RARB: variants seen among roughly 807,000 people sequenced by gnomAD.
RARB encodes HBV-activated protein.
A neutral mutation model predicts 51.9 loss-of-function variants in RARB; 17 were observed. The observed-to-expected ratio is 0.33, with a 90% CI of 0.22 to 0.49. The LOEUF is 0.49. Among genes scored for constraint, RARB ranks in the 20% least tolerant of loss-of-function variants. The pLI is 0.99. For synonymous variants in RARB, 215 were observed against 195.4 expected, an observed-to-expected ratio of 1.10 and a Z score of -0.84; for missense variants, 369 against 550.8, an observed-to-expected ratio of 0.67 and a Z score of 3.30.
intron 5 of RARB, among the ~76,000 whole-genome samples, chr3:25,206,496 G>C (rs1048997059): frequency 2.6e-5 from 4 of 152,134 alleles, no homozygotes. Flanking sequence ...TTCCAACTCA[G>C]ATCTACTAAG....
At chr3:25,452,421 A>G (rs1709235463) in intron 1 of RARB, among the ~76,000 whole-genome samples, 1 of 84,390 alleles carries the variant, frequency 1.2e-5, no homozygotes, top group African/African-American at 8.2e-5. Flanking sequence ...TGTAGCTACA[A>G]CACAGAGTGA....
intron 4 of RARB, among the ~76,000 whole-genome samples, chr3:25,143,815 C>T (rs1700147284): frequency 6.6e-6 from 1 of 152,122 alleles, no homozygotes; most frequent in Non-Finnish European, 1.5e-5. Context: ...CTCCAATTTC[C>T]TAATTTGTAC....
chr3:25,390,697 A>C (rs1706926636), intron 5 of RARB, among the ~76,000 whole-genome samples: 1 of 152,208 alleles, frequency 6.6e-6, no homozygotes, highest in African/African-American at 2.4e-5. Flanking sequence ...CAGTAATAAA[A>C]GCTGTCATCA....
intron 5 of RARB, among the ~76,000 whole-genome samples, chr3:25,208,462 G>T (rs75132433): frequency 3.8e-4 from 58 of 151,594 alleles, no homozygotes; most frequent in Non-Finnish European, 4.7e-4. Context: ...CTAATTTTGC[G>T]TTTCTTTGCT....
chr3:24,897,964 A>G (rs563597080), intron 2 of RARB, among the ~76,000 whole-genome samples: 4 of 152,302 alleles, frequency 2.6e-5, no homozygotes. Flanking sequence ...GTGGGAGAAA[A>G]TAAAATGGGT....
intron 3 of RARB, among the ~76,000 whole-genome samples, chr3:25,117,517 C>T (rs987429851): frequency 2.6e-5 from 4 of 152,020 alleles, no homozygotes; most frequent in African/African-American, 9.7e-5. Context: ...ATCCAAAGGC[C>T]AAAGGAAGCC....
At chr3:25,087,385 G>A (rs1699123191) in intron 3 of RARB, among the ~76,000 whole-genome samples, 1 of 152,108 alleles carries the variant, frequency 6.6e-6, no homozygotes, top group South Asian at 2.1e-4. Flanking sequence ...TACCCCAAAA[G>A]TGAGGTTAGG....
At chr3:25,125,578 C>T (rs1699848178) in intron 3 of RARB, among the ~76,000 whole-genome samples, 1 of 152,096 alleles carries the variant, frequency 6.6e-6, no homozygotes, top group South Asian at 2.1e-4. Flanking sequence ...TTGCTGGATT[C>T]AGATATTTAA....
chr3:25,515,948 A>G (rs566293737), intron 3 of RARB, among the ~76,000 whole-genome samples: 7 of 152,360 alleles, frequency 4.6e-5, no homozygotes, highest in African/African-American at 1.4e-4. Context: ...CATCAAGAAG[A>G]GTAATACCTC....
intron 4 of RARB, among the ~76,000 whole-genome samples, chr3:25,133,756 A>G (rs760284298): frequency 6.6e-6 from 1 of 151,934 alleles, no homozygotes; most frequent in Non-Finnish European, 1.5e-5. Context: ...CTGTACACAC[A>G]TATGCAGACA....
chr3:25,428,175 T>C, upstream of RARB: 1 of 1,145,286 alleles, frequency 8.7e-7, no homozygotes, highest in Non-Finnish European at 1.1e-6. Flanking sequence ...GATGTCAGAC[T>C]AGTTGGGTCA....
intron 7 of RARB, 39 bp downstream of exon 7, chr3:25,594,717 G>T: frequency 1.3e-6 from 2 of 1,496,228 alleles, no homozygotes; most frequent in South Asian, 1.4e-5. Flanking sequence ...TCACACAGTG[G>T]ACTTGAGGGC....
chr3:25,091,992 G>T (rs1465668492), intron 3 of RARB, among the ~76,000 whole-genome samples: 1 of 152,146 alleles, frequency 6.6e-6, no homozygotes. Context: ...TAAGAAACCA[G>T]TTGCAGCACA....
At chr3:24,973,555 T>G (rs79931502) in intron 2 of RARB, among the ~76,000 whole-genome samples, 1,782 of 152,202 alleles carry the variant, frequency 0.012, 25 homozygotes, top group East Asian at 0.086. Context: ...CTTTGTTTAG[T>G]AGTCTCATTT....
chr3:25,070,380 C>A (rs185230278), intron 3 of RARB, among the ~76,000 whole-genome samples: 103 of 152,066 alleles, frequency 6.8e-4, no homozygotes, highest in Non-Finnish European at 1.1e-3. Flanking sequence ...GTAATTTAAC[C>A]CAAAACTGTG....
At chr3:25,025,449 A>G (rs1424088723) in intron 2 of RARB, among the ~76,000 whole-genome samples, 2 of 152,198 alleles carry the variant, frequency 1.3e-5, no homozygotes, top group Admixed American at 6.5e-5. Context: ...TGGGATTGCA[A>G]TCTTGACCCA....
At chr3:25,396,724 T>G (rs906104927) in intron 5 of RARB, among the ~76,000 whole-genome samples, 3 of 152,014 alleles carry the variant, frequency 2.0e-5, no homozygotes, top group Non-Finnish European at 4.4e-5. Flanking sequence ...GCTGTGGAGA[T>G]GGGGGTGTGG....
At chr3:24,857,752 C>CA (rs1032326102) in intron 1 of RARB, among the ~76,000 whole-genome samples, 22 of 151,762 alleles carry the variant, frequency 1.4e-4, no homozygotes, top group African/African-American at 3.1e-4. Context: ...CCTGTCTCTA[C>CA]AAAAAAAACA....
intron 1 of RARB, among the ~76,000 whole-genome samples, chr3:25,448,501 C>G (rs1709048898): frequency 6.6e-6 from 1 of 152,104 alleles, no homozygotes. Flanking sequence ...GAGTTTCACT[C>G]TTGTTGCCCA....
Sources: allele counts gnomAD v4.1 joint callset (sites outside exome capture counted in the v4.1 genomes callset), GRCh38; gene constraint gnomAD v4.1.1; transcripts MANE v1.5; gene names NCBI Gene and HGNC (gene_info 2026-07-23, HGNC 2026-07-21).